ARHGAP9: variants seen among roughly 807,000 people sequenced by gnomAD.
The protein encoded by ARHGAP9 is rho GTPase-activating protein 9.
A neutral mutation model predicts 87.3 loss-of-function variants in ARHGAP9; 76 were observed. The observed-to-expected ratio is 0.87, with a 90% CI of 0.72 to 1.05. The LOEUF (loss-of-function observed/expected upper bound fraction) is 1.05. ARHGAP9 is among the 50% of genes least tolerant of loss of function. ARHGAP9 has a pLI of 0.00. For synonymous variants in ARHGAP9, 382 were observed against 394.9 expected (o/e 0.97, Z 0.39); for missense variants, 941 against 960.5 (o/e 0.98, Z 0.27).
intron 1 of ARHGAP9, chr12:57,488,301 AC>A: frequency 9.7e-7 from 1 of 1,033,474 alleles, no homozygotes; most frequent in Non-Finnish European, 1.4e-6. Context: ...CTCGCCACAC[AC>A]CCCAATCGAC....
intron 1 of ARHGAP9, among the ~76,000 whole-genome samples, chr12:57,486,238 T>C (rs1875383754): frequency 6.6e-6 from 1 of 152,126 alleles, no homozygotes; most frequent in African/African-American, 2.4e-5. Context: ...GCATAATATA[T>C]ACTTATTGCC....
At chr12:57,481,799 C>T (rs986644485), upstream of ARHGAP9, among the ~76,000 whole-genome samples, 2 of 152,182 alleles carry the variant, frequency 1.3e-5, no homozygotes, top group Non-Finnish European at 2.9e-5. Flanking sequence ...TCTGGCAGTT[C>T]CTTGTCTGTG....
intron 1 of ARHGAP9, chr12:57,488,276 G>GCCAA: frequency 7.2e-7 from 1 of 1,391,146 alleles, no homozygotes; most frequent in Non-Finnish European, 1.0e-6. Context: ...AGCTGTCTTT[G>GCCAA]CCAAACCCCT....
At chr12:57,482,374 G>C (rs1875084715), upstream of ARHGAP9, among the ~76,000 whole-genome samples, 1 of 151,930 alleles carries the variant, frequency 6.6e-6, no homozygotes, top group African/African-American at 2.4e-5. Context: ...CTGAGCAGCT[G>C]GGACTACAGG....
At chr12:57,479,953 C>T, upstream of ARHGAP9, 1 of 1,402,556 alleles carries the variant, frequency 7.1e-7, no homozygotes, top group Non-Finnish European at 9.3e-7. Context: ...TAGCTGCGTG[C>T]TTCCTGTGCA....
chr12:57,484,889 G>A (rs1384915927), intron 1 of ARHGAP9, among the ~76,000 whole-genome samples: 5 of 151,950 alleles, frequency 3.3e-5, no homozygotes, highest in Middle Eastern at 3.4e-3. Context: ...CAGGTGATCC[G>A]CCTGCCTCGG....
At chr12:57,487,568 GC>G (rs1430177312) in intron 1 of ARHGAP9, 1 of 153,586 alleles carries the variant, frequency 6.5e-6, no homozygotes, top group African/African-American at 2.4e-5. Context: ...GCTGCTCTAG[GC>G]CGGGCGCAGT....
intron 3 of ARHGAP9, chr12:57,478,322 T>A (rs2139950856): frequency 1.7e-6 from 1 of 573,642 alleles, no homozygotes; most frequent in Middle Eastern, 4.8e-4. Flanking sequence ...TCCTCCTTGC[T>A]CAGAGTCAAC....
chr12:57,479,206 T>C lies in ARHGAP9; in HGVS notation c.201A>G (p.Leu67=). Residue 67 remains leucine (L), a synonymous_variant, in exon 2 of 18, where the codon CTA becomes CTG. Coordinates refer to ENST00000393791, the MANE Select transcript of ARHGAP9 (RefSeq NM_032496.4). ...TGGGTCGAGAGGTGGAGGGAGCTTCTAGGCGTCTTGCCAACCACCAGTCGG... is the reference window on the plus strand; with the variant it reads ...TGGGTCGAGAGGTGGAGGGAGCTTCCAGGCGTCTTGCCAACCACCAGTCGG... ...TNSDWWLARR[L]EAPSTSRPIF... The C allele has an allele frequency of 6.2e-7, 1 of 1,614,228 alleles. No individual in the cohort carries two copies.
upstream of ARHGAP9, among the ~76,000 whole-genome samples, chr12:57,481,204 T>C (rs1874969133): frequency 6.6e-6 from 1 of 152,158 alleles, no homozygotes; most frequent in Admixed American, 6.5e-5. Context: ...AAACCTCCCC[T>C]TACTGGGCTT....
intron 1 of ARHGAP9, chr12:57,487,302 ATAGG>A (rs1875496210): frequency 6.6e-6 from 1 of 151,776 alleles, no homozygotes. Flanking sequence ...GTTGTTGTTG[ATAGG>A]ATGGATATGT....
intron 1 of ARHGAP9, among the ~76,000 whole-genome samples, chr12:57,486,754 G>C (rs11172231): frequency 6.7e-6 from 1 of 148,886 alleles, no homozygotes; most frequent in Non-Finnish European, 1.5e-5. Flanking sequence ...GCGTGGTGGC[G>C]GGCACCTGTA....
In ARHGAP9 at chr12:57,479,636, T is replaced by A. The variant is rs910920134; in HGVS notation, c.-19+94A>T. ...GGTGTCTGGTGAGGAAGTATGTAAG[T>A]AACATGAGAGAGGATGTGGTCAGCA... On this transcript the variant is annotated intron_variant, in intron 1 of 17. Coordinates refer to ENST00000393791, the MANE Select transcript of ARHGAP9 (RefSeq NM_032496.4). 1.7e-5 allele frequency: 27 copies of A among 1,547,954 alleles called. No individual in the cohort carries two copies. In the African/African-American group the frequency reaches 3.3e-4, roughly 19 times the overall value.
intron 17 of ARHGAP9, among the ~76,000 whole-genome samples, chr12:57,473,138 T>G (rs1207480364): frequency 1.3e-5 from 2 of 152,160 alleles, no homozygotes; most frequent in Non-Finnish European, 2.9e-5. Flanking sequence ...TGACCTAAAG[T>G]CTTTGACGGG....
Position 57,476,828 on chromosome 12 carries a change from G to A in ARHGAP9, c.963+43C>T, listed in dbSNP as rs768807095. 7 of 1,523,134 alleles carry A rather than the reference G, an allele frequency of 4.6e-6. No homozygotes were observed. The Admixed American group carries it at 8.4e-5, about 18-fold the overall frequency. The allele number at this position is 1,523,134 out of a possible 1,614,324, so 94.4% of individuals were successfully genotyped here. The stretch of plus-strand genomic sequence containing the variant: ...TGGAGCAGGAAAAGGGGGGAGGGGG[G>A]GCAGGGAGGATCTTGGCCTTCACAA... On this transcript the variant is annotated intron_variant, in intron 6 of 17. Transcript: ENST00000393791.
chr12:57,473,817 A>G (rs1159316842), intron 16 of ARHGAP9, 109 bp from the exon 17 acceptor site: 5 of 1,204,898 alleles, frequency 4.1e-6, no homozygotes, highest in Non-Finnish European at 5.9e-6. Flanking sequence ...TCATTAATCT[A>G]GCACAGCTTT....
intron 3 of ARHGAP9, 33 bp downstream of exon 3, chr12:57,478,507 A>T: frequency 6.2e-7 from 1 of 1,609,098 alleles, no homozygotes; most frequent in East Asian, 2.2e-5. Flanking sequence ...CTGTGCCTAG[A>T]ACAGGGCCCA....
intron 1 of ARHGAP9, among the ~76,000 whole-genome samples, chr12:57,485,038 C>A (rs979814382): frequency 6.6e-6 from 1 of 151,652 alleles, no homozygotes. Flanking sequence ...CTCTGCCTCC[C>A]GGGTTCAAGT....
At chr12:57,482,461 C>T (rs1594797715), upstream of ARHGAP9, among the ~76,000 whole-genome samples, 1 of 152,078 alleles carries the variant, frequency 6.6e-6, no homozygotes, top group African/African-American at 2.4e-5. Flanking sequence ...AGGATGGTCT[C>T]GGTCTCCTGA....
Sources: allele counts gnomAD v4.1 joint callset (sites outside exome capture counted in the v4.1 genomes callset), GRCh38; gene constraint gnomAD v4.1.1; transcripts MANE v1.5; gene names NCBI Gene and HGNC (gene_info 2026-07-23, HGNC 2026-07-21).